Variants in MID1 observed in about 807,000 individuals in gnomAD.
MID1 encodes the protein E3 ubiquitin-protein ligase Midline-1.
Under a neutral mutation model 40.4 loss-of-function variants are expected in MID1, and 7 were observed. The observed-to-expected ratio is 0.17, with a 90% CI of 0.10 to 0.33. The LOEUF (loss-of-function observed/expected upper bound fraction) is 0.33. Ranked by LOEUF, MID1 falls within the 10% of genes least tolerant of loss-of-function variation. The pLI is 1.00. For synonymous variants in MID1, 229 were observed against 221.2 expected, an observed-to-expected ratio of 1.04 and a Z score of -0.31; for missense variants, 367 against 558.5, an observed-to-expected ratio of 0.66 and a Z score of 3.46.
chrX:10,811,348 C>T (rs1231420681), intron 1 of MID1, among the ~76,000 whole-genome samples: 1 of 112,162 alleles, frequency 8.9e-6, no homozygotes, highest in Non-Finnish European at 1.9e-5. Flanking sequence ...ATAGTAGTTG[C>T]TATGAGCCAA....
At chrX:10,450,145 T>G (rs1482454955) in intron 9 of MID1, among the ~76,000 whole-genome samples, 1 of 112,623 alleles carries the variant, frequency 8.9e-6, no homozygotes, top group African/African-American at 3.2e-5. Flanking sequence ...GCACTTTAGC[T>G]GCGGCTGGTG....
intron 1 of MID1, among the ~76,000 whole-genome samples, chrX:10,587,912 C>T (rs910958150): frequency 2.7e-5 from 3 of 109,962 alleles, no homozygotes; most frequent in Non-Finnish European, 5.7e-5. Flanking sequence ...TTTAATAAAA[C>T]CTTGTAGACA....
chrX:10,592,977 A>G (rs1235721669), intron 1 of MID1, among the ~76,000 whole-genome samples: 2 of 112,231 alleles, frequency 1.8e-5, no homozygotes, highest in African/African-American at 6.5e-5. Flanking sequence ...TCATTTGATC[A>G]TAAATAGAGA....
chrX:10,746,048 A>G (rs1472012408), intron 1 of MID1, among the ~76,000 whole-genome samples: 1 of 111,919 alleles, frequency 8.9e-6, no homozygotes, highest in Non-Finnish European at 1.9e-5. Flanking sequence ...GGAGGAGGCC[A>G]GGGAAGGAGA....
At chrX:10,830,805 C>A (rs1569180933) in intron 1 of MID1, among the ~76,000 whole-genome samples, 1 of 112,030 alleles carries the variant, frequency 8.9e-6, no homozygotes, top group Non-Finnish European at 1.9e-5. Flanking sequence ...TAGAATAGCA[C>A]ACACACATAC....
intron 1 of MID1, among the ~76,000 whole-genome samples, chrX:10,722,700 G>C (rs1174672796): frequency 8.9e-6 from 1 of 111,798 alleles, no homozygotes; most frequent in African/African-American, 3.3e-5. Flanking sequence ...AGAACAAAGG[G>C]AGACGAGGCC....
intron 1 of MID1, among the ~76,000 whole-genome samples, chrX:10,810,728 G>A (rs2044092921): frequency 9.1e-6 from 1 of 109,521 alleles, no homozygotes; most frequent in African/African-American, 3.3e-5. Context: ...GTGTGTGTTT[G>A]ATAGTAGCCA....
intron 5 of MID1, chrX:10,475,225 G>T (rs749359627): frequency 3.7e-4 from 121 of 329,717 alleles, no homozygotes; most frequent in Non-Finnish European, 6.6e-4. Flanking sequence ...TATTAAAAAA[G>T]AATGTTTCCA....
chrX:10,479,802 C>T (rs1366238870), intron 5 of MID1, among the ~76,000 whole-genome samples: 1 of 112,021 alleles, frequency 8.9e-6, no homozygotes, highest in East Asian at 2.8e-4. Context: ...GCAGCAAACA[C>T]AGGAGTGAGG....
At chrX:10,678,693 GA>G (rs778174766) in intron 1 of MID1, among the ~76,000 whole-genome samples, 20 of 111,937 alleles carry the variant, frequency 1.8e-4, no homozygotes, top group Admixed American at 2.9e-4. Flanking sequence ...TTGGAAAAGA[GA>G]AAAAAACCTA....
intron 1 of MID1, among the ~76,000 whole-genome samples, chrX:10,819,694 T>C (rs1687595766): frequency 8.9e-6 from 1 of 112,010 alleles, no homozygotes; most frequent in Non-Finnish European, 1.9e-5. Flanking sequence ...TTCTGGCAAA[T>C]TTCAGGAACC....
intron 1 of MID1, among the ~76,000 whole-genome samples, chrX:10,767,474 C>G (rs1044737072): frequency 3.6e-5 from 4 of 110,842 alleles, no homozygotes; most frequent in Non-Finnish European, 7.6e-5. Flanking sequence ...TGCCCGCCAC[C>G]ACGCCCAGCT....
intron 1 of MID1, among the ~76,000 whole-genome samples, chrX:10,827,125 C>G (rs1224275533): frequency 9.0e-6 from 1 of 111,621 alleles, no homozygotes; most frequent in Non-Finnish European, 1.9e-5. Flanking sequence ...AAATCATTCT[C>G]TAATGCTGAT....
intron 1 of MID1, among the ~76,000 whole-genome samples, chrX:10,827,952 G>T (rs779010814): frequency 1.4e-4 from 15 of 110,827 alleles, no homozygotes; most frequent in African/African-American, 4.9e-4. Context: ...CTAAATAATA[G>T]TCAGCCAATA....
At chrX:10,749,035 C>T (rs191544477) in intron 1 of MID1, among the ~76,000 whole-genome samples, 43 of 111,506 alleles carry the variant, frequency 3.9e-4, no homozygotes, top group African/African-American at 1.3e-3. Context: ...TGCATAGCTG[C>T]ACTGCATAGT....
At chrX:10,638,307 T>G (rs1936144530) in intron 1 of MID1, among the ~76,000 whole-genome samples, 1 of 111,968 alleles carries the variant, frequency 8.9e-6, no homozygotes, top group Admixed American at 9.4e-5. Flanking sequence ...ACTCCCACCC[T>G]AATACTGTGC....
intron 1 of MID1, among the ~76,000 whole-genome samples, chrX:10,703,177 CAAAAAG>C (rs2043203296): frequency 8.9e-6 from 1 of 111,898 alleles, no homozygotes. Flanking sequence ...CAGGAGCAAA[CAAAAAG>C]TGTGCCAAGA....
chrX:10,770,843 G>A (rs186832267), intron 1 of MID1, among the ~76,000 whole-genome samples: 3 of 111,757 alleles, frequency 2.7e-5, no homozygotes, highest in Admixed American at 9.5e-5. Context: ...GGTGGCTCAC[G>A]CCTGTAAATC....
intron 1 of MID1, among the ~76,000 whole-genome samples, chrX:10,664,693 C>T (rs777198656): frequency 5.4e-5 from 6 of 112,108 alleles, no homozygotes; most frequent in Non-Finnish European, 1.1e-4. Context: ...TCCAAAGTGA[C>T]TGCACCATAT....
Sources: gnomAD v4.1 joint callset for allele counts (sites outside exome capture counted in the v4.1 genomes callset) on GRCh38, gnomAD v4.1.1 for gene constraint, MANE v1.5 for transcripts, NCBI Gene and HGNC (gene_info 2026-07-23, HGNC 2026-07-21) for gene names.